Variants in GRAMD1C observed in about 807,000 individuals in gnomAD.
The protein encoded by GRAMD1C is GRAM domain containing 1C, also known as protein Aster-C.
A neutral mutation model predicts 97.8 loss-of-function variants in GRAMD1C; 89 were observed. That is an observed-to-expected ratio of 0.91 (90% CI 0.77 to 1.09). The LOEUF (loss-of-function observed/expected upper bound fraction) is 1.09. GRAMD1C is among the 50% of genes least tolerant of loss of function. GRAMD1C has a pLI of 0.00. For synonymous variants in GRAMD1C, 256 were observed against 267.0 expected (o/e 0.96, Z 0.40); for missense variants, 740 against 766.4 (o/e 0.97, Z 0.41).
chr3:113,843,861 T>TATTA (rs1196968768), intron 1 of GRAMD1C, among the ~76,000 whole-genome samples: 1 of 152,264 alleles, frequency 6.6e-6, no homozygotes, highest in Non-Finnish European at 1.5e-5. Context: ...ACTTTCATAG[T>TATTA]ATTAACAAAC....
intron 6 of GRAMD1C, among the ~76,000 whole-genome samples, chr3:113,888,829 A>G (rs765298600): frequency 1.3e-5 from 2 of 152,208 alleles, no homozygotes; most frequent in Non-Finnish European, 2.9e-5. Context: ...TTGTACCCCA[A>G]TGTTCATAGC....
chr3:113,882,545 A>C (rs1935306904), intron 5 of GRAMD1C, among the ~76,000 whole-genome samples: 1 of 152,202 alleles, frequency 6.6e-6, no homozygotes, highest in Non-Finnish European at 1.5e-5. Flanking sequence ...ATTGGAAGAT[A>C]AAATTAGTAA....
intron 6 of GRAMD1C, among the ~76,000 whole-genome samples, chr3:113,900,411 T>TTAC (rs1936121643): frequency 6.9e-6 from 1 of 144,588 alleles, no homozygotes. Context: ...TATGAACAAA[T>TTAC]TATTATTATT....
At chr3:113,935,517 CATAT>C (rs34869058) in intron 13 of GRAMD1C, among the ~76,000 whole-genome samples, 1 of 150,940 alleles carries the variant, frequency 6.6e-6, no homozygotes, top group Non-Finnish European at 1.5e-5. Flanking sequence ...CACACACACA[CATAT>C]ATGCATGTAT....
At chr3:113,874,534 A>G (rs992855193) in intron 3 of GRAMD1C, among the ~76,000 whole-genome samples, 2 of 152,074 alleles carry the variant, frequency 1.3e-5, no homozygotes, top group South Asian at 4.2e-4. Context: ...TAGTAGAAAC[A>G]GGGTTTCCCC....
chr3:113,904,373 G>A lies in GRAMD1C; in HGVS notation c.789+101G>A, dbSNP rs1472073952. ...ACAGTATACAAAATGTTAAAAATAA[G>A]ATATCAGACTCCTACCTTATTTTAG... On this transcript the variant is annotated intron_variant, in intron 8 of 17. Coordinates refer to ENST00000358160, the MANE Select transcript of GRAMD1C (RefSeq NM_017577.5). The A allele has an allele frequency of 2.4e-5, 20 of 830,182 alleles. 1 individual carries two copies. In the Admixed American group the frequency reaches 5.0e-4, roughly 21 times the overall value. 51.4% of individuals were successfully genotyped at this position (830,182 alleles called of 1,614,324 possible).
intron 17 of GRAMD1C, among the ~76,000 whole-genome samples, chr3:113,941,068 T>C (rs1036011226): frequency 1.3e-5 from 2 of 152,224 alleles, no homozygotes; most frequent in Non-Finnish European, 2.9e-5. Flanking sequence ...CTGTTTCCTA[T>C]ATCCTGTGTT....
intron 9 of GRAMD1C, among the ~76,000 whole-genome samples, chr3:113,914,731 C>T (rs1052777436): frequency 2.7e-5 from 4 of 150,934 alleles, no homozygotes; most frequent in Non-Finnish European, 4.4e-5. Context: ...TTCCTTCTGG[C>T]GGTATAAAAT....
At chr3:113,934,139 A>C (rs1446067924) in intron 12 of GRAMD1C, among the ~76,000 whole-genome samples, 1 of 152,210 alleles carries the variant, frequency 6.6e-6, no homozygotes, top group African/African-American at 2.4e-5. Context: ...AGGAATTTAG[A>C]AAATTTAGTA....
intron 2 of GRAMD1C, among the ~76,000 whole-genome samples, chr3:113,867,949 T>C (rs768542324): frequency 1.6e-4 from 24 of 152,228 alleles, no homozygotes; most frequent in Non-Finnish European, 3.2e-4. Context: ...CCCGTAGGTC[T>C]CTGAGAGTCT....
rs535836059 is a variant in GRAMD1C at position 113,912,006 on chromosome 3, C to T, written c.952+2886C>T. 5.9e-5 allele frequency among the ~76,000 whole-genome samples: 9 copies of T among 152,286 alleles called. No individual in the cohort carries two copies. In the East Asian group the frequency reaches 1.7e-3, roughly 29 times the overall value. On this transcript the variant is annotated intron_variant, in intron 9 of 17. Coordinates refer to ENST00000358160, the MANE Select transcript of GRAMD1C (RefSeq NM_017577.5). ...CCTCCCAAAATGCTGGGACTACAGGCATGAGCCACCGCACCTGGCCAATTA... is the reference window on the plus strand; with the variant it reads ...CCTCCCAAAATGCTGGGACTACAGGTATGAGCCACCGCACCTGGCCAATTA...
intron 1 of GRAMD1C, among the ~76,000 whole-genome samples, chr3:113,843,855 T>G (rs1017129002): frequency 2.0e-5 from 3 of 152,234 alleles, no homozygotes; most frequent in Non-Finnish European, 4.4e-5. Flanking sequence ...ATTTCCACTT[T>G]CATAGTATTA....
At chr3:113,893,348 T>C (rs1935809528) in intron 6 of GRAMD1C, among the ~76,000 whole-genome samples, 1 of 152,018 alleles carries the variant, frequency 6.6e-6, no homozygotes, top group Admixed American at 6.6e-5. Flanking sequence ...CATCTTAATA[T>C]ACCCTCTCAT....
chr3:113,896,923 T>A (rs1159794472), intron 6 of GRAMD1C, among the ~76,000 whole-genome samples: 1 of 152,198 alleles, frequency 6.6e-6, no homozygotes, highest in Non-Finnish European at 1.5e-5. Flanking sequence ...AACTGTACTG[T>A]CTATTATAGT....
At chr3:113,884,834 C>A (rs1219515755) in intron 6 of GRAMD1C, among the ~76,000 whole-genome samples, 1 of 149,932 alleles carries the variant, frequency 6.7e-6, no homozygotes, top group African/African-American at 2.5e-5. Flanking sequence ...GAGACTCTGT[C>A]TCAAAAAAAA....
chr3:113,914,875 T>A (rs1936746731), intron 9 of GRAMD1C, among the ~76,000 whole-genome samples: 1 of 152,210 alleles, frequency 6.6e-6, no homozygotes. Flanking sequence ...TAATACCACT[T>A]ATCTCATAGC....
chr3:113,901,296 G>A (rs1265618075), intron 7 of GRAMD1C, 150 bp downstream of exon 7: 1 of 569,156 alleles, frequency 1.8e-6, no homozygotes, highest in African/African-American at 1.9e-5. Flanking sequence ...GTGAAAGGTG[G>A]GGACAGAGAA....
intron 2 of GRAMD1C, among the ~76,000 whole-genome samples, chr3:113,866,625 A>T (rs1934597082): frequency 6.6e-6 from 1 of 152,058 alleles, no homozygotes; most frequent in African/African-American, 2.4e-5. Flanking sequence ...TTATGTGTCA[A>T]ATACATATTT....
chr3:113,874,141 A>G (rs1453765050), intron 3 of GRAMD1C, among the ~76,000 whole-genome samples: 1 of 152,252 alleles, frequency 6.6e-6, no homozygotes, highest in African/African-American at 2.4e-5. Flanking sequence ...GATTTATTCA[A>G]CATCTACCTA....
Sources: gnomAD v4.1 joint callset for allele counts (sites outside exome capture counted in the v4.1 genomes callset) on GRCh38, gnomAD v4.1.1 for gene constraint, MANE v1.5 for transcripts, NCBI Gene and HGNC (gene_info 2026-07-23, HGNC 2026-07-21) for gene names.